NFATC3: variants seen among roughly 807,000 people sequenced by gnomAD.
The protein encoded by NFATC3 is nuclear factor of activated T cells 3.
Under a neutral mutation model 98.6 loss-of-function variants are expected in NFATC3, and 46 were observed. The ratio of observed to expected loss-of-function variants is 0.47; its 90% CI spans 0.37 to 0.60. NFATC3 has a LOEUF of 0.60. NFATC3 is among the 20% of genes least tolerant of loss of function. NFATC3 has a pLI of 0.00. For synonymous variants in NFATC3, 512 were observed against 472.2 expected (o/e 1.08, Z -1.09); for missense variants, 1,256 against 1,295.5 (o/e 0.97, Z 0.47).
At chr16:68,109,988 C>T (rs2035857652) in intron 1 of NFATC3, among the ~76,000 whole-genome samples, 1 of 151,870 alleles carries the variant, frequency 6.6e-6, no homozygotes, top group Middle Eastern at 3.2e-3. Flanking sequence ...TAGCCAAGCT[C>T]CTGGATGAGT....
chr16:68,120,010 T>C (rs1052535590), intron 1 of NFATC3, among the ~76,000 whole-genome samples: 11 of 151,604 alleles, frequency 7.3e-5, no homozygotes, highest in Admixed American at 2.6e-4. Flanking sequence ...CTGAAGAACA[T>C]TGTTGAACTG....
rs930166388 is a variant in NFATC3, at chr16:68,160,284, T to A, written c.1601+2216T>A. On this transcript the variant is annotated intron_variant, in intron 4 of 9. Coordinates refer to ENST00000346183, the MANE Select transcript of NFATC3 (RefSeq NM_173165.3). Reference sequence around the variant, plus strand: ...TTCGAGACCAGCGTGGCCAATATGGTGAAACCCCCAACTCTACTAAAAAAT... The same window carrying A: ...TTCGAGACCAGCGTGGCCAATATGGAGAAACCCCCAACTCTACTAAAAAAT... Among the ~76,000 whole-genome samples, 8 of 151,754 alleles carry A rather than the reference T, an allele frequency of 5.3e-5. No individual in the cohort carries two copies. In the South Asian group the frequency reaches 1.7e-3, roughly 32 times the overall value.
At chr16:68,125,644 A>G (rs2036796448) in intron 2 of NFATC3, among the ~76,000 whole-genome samples, 1 of 152,196 alleles carries the variant, frequency 6.6e-6, no homozygotes, top group Non-Finnish European at 1.5e-5. Context: ...TGTACCAGGG[A>G]GGGAGATAGA....
At chr16:68,117,117 C>G (rs781215269) in intron 1 of NFATC3, among the ~76,000 whole-genome samples, 2 of 152,148 alleles carry the variant, frequency 1.3e-5, no homozygotes, top group Admixed American at 6.5e-5. Context: ...AACAAGGGGC[C>G]AAGGAAAATT....
At chr16:68,208,059 G>A (rs1209901042) in intron 9 of NFATC3, among the ~76,000 whole-genome samples, 1 of 151,580 alleles carries the variant, frequency 6.6e-6, no homozygotes, top group Non-Finnish European at 1.5e-5. Context: ...TTTTTGAGAC[G>A]GAATCTGGCT....
At chr16:68,141,268 A>G (rs1402508337) in intron 3 of NFATC3, among the ~76,000 whole-genome samples, 4 of 152,154 alleles carry the variant, frequency 2.6e-5, no homozygotes, top group Non-Finnish European at 4.4e-5. Flanking sequence ...TGAATAATGT[A>G]TGTATGCAGG....
intron 9 of NFATC3, chr16:68,192,294 T>C (rs2040472898): frequency 7.1e-6 from 1 of 141,008 alleles, no homozygotes; most frequent in South Asian, 2.2e-4. Flanking sequence ...TATATATGTA[T>C]GTGTGTATAT....
chr16:68,204,303 A>G (rs1021593429), intron 9 of NFATC3, among the ~76,000 whole-genome samples: 1 of 152,218 alleles, frequency 6.6e-6, no homozygotes, highest in African/African-American at 2.4e-5. Context: ...CAGAGGTTGC[A>G]GTGAGCTGAG....
intron 3 of NFATC3, among the ~76,000 whole-genome samples, chr16:68,133,783 A>T (rs563288720): frequency 6.6e-6 from 1 of 151,898 alleles, no homozygotes; most frequent in South Asian, 2.1e-4. Context: ...ATTCTAGTGT[A>T]TGAATTTGCA....
intron 3 of NFATC3, among the ~76,000 whole-genome samples, chr16:68,156,357 G>A (rs1458959179): frequency 6.6e-6 from 1 of 152,070 alleles, no homozygotes; most frequent in Non-Finnish European, 1.5e-5. Flanking sequence ...AATGGATAAT[G>A]ATGGGGACAA....
chr16:68,138,304 G>T lies in NFATC3; in HGVS notation c.1401+11694G>T, dbSNP rs150308850. Among the ~76,000 whole-genome samples the T allele has an allele frequency of 5.8e-3, 886 of 152,166 alleles. 10 individuals carry two copies. The highest frequency in any genetic ancestry group is 0.021 in the African/African-American group (859 of 41,504). ...ATGCACCACCTCAGCCTCCCAAAGTGCTGGGATTACAGGTGTAAGCCACCG... is the reference window on the plus strand; with the variant it reads ...ATGCACCACCTCAGCCTCCCAAAGTTCTGGGATTACAGGTGTAAGCCACCG... On this transcript the variant is annotated intron_variant, in intron 3 of 9. Coordinates refer to ENST00000346183, the MANE Select transcript of NFATC3 (RefSeq NM_173165.3).
At chr16:68,118,154 G>A (rs932408550) in intron 1 of NFATC3, among the ~76,000 whole-genome samples, 21 of 152,032 alleles carry the variant, frequency 1.4e-4, no homozygotes, top group African/African-American at 3.4e-4. Context: ...CCCCAGCCCC[G>A]CTGACTCTCT....
rs773348777 is a variant in NFATC3 at position 68,191,367 on chromosome 16, G to A, written c.2698G>A (p.Asp900Asn). ...GQRSLSSPVADQITGQPSSQL... is the reference protein window; with the variant it reads ...GQRSLSSPVANQITGQPSSQL... ...AAGATCTCTTTCTTCTCCAGTGGCT[G>A]ACCAGATTACAGGTCAGCCTTCGTC... The change falls in exon 9 of 10, where the codon GAC becomes AAC. Residue 900 changes from aspartate to asparagine, a missense_variant. Physicochemically the swap from Asp to Asn is conservative, Grantham distance 23 (BLOSUM62 1). Around this residue, in one of 3 missense-constraint regions of NFATC3, gnomAD observed 636 missense variants for 617.3 expected, o/e 1.03. Transcript: ENST00000346183. The A allele has an allele frequency of 5.6e-6, 9 of 1,614,000 alleles. No individual in the cohort carries two copies. In the African/African-American group the frequency reaches 1.1e-4, roughly 19 times the overall value.
At chr16:68,140,053 G>C (rs1487522327) in intron 3 of NFATC3, among the ~76,000 whole-genome samples, 1 of 152,160 alleles carries the variant, frequency 6.6e-6, no homozygotes, top group East Asian at 1.9e-4. Flanking sequence ...CTGGAGTACA[G>C]TCGTGCAATC....
At chr16:68,096,480 CT>C (rs1184894027) in intron 1 of NFATC3, among the ~76,000 whole-genome samples, 3 of 152,154 alleles carry the variant, frequency 2.0e-5, no homozygotes, top group Admixed American at 2.0e-4. Context: ...ATCATTTAAT[CT>C]TTTAATTAAG....
chr16:68,157,863 G>A lies in NFATC3; in HGVS notation c.1402-6G>A. 6.2e-7 allele frequency: 1 copy of A among 1,607,438 alleles called. No individual in the cohort carries two copies. The highest frequency in any genetic ancestry group is 8.5e-7 in the Non-Finnish European group (1 of 1,176,768). ...GTGCTTTTCTGTGTTTCTTTTTCCT[G>A]ATTAGCTCCTGGGCTATAACGAAAA... On this transcript the variant is annotated splice_polypyrimidine_tract_variant and splice_region_variant and intron_variant, in intron 3 of 9. Transcript: ENST00000346183.
At chr16:68,134,997 G>A (rs564979474) in intron 3 of NFATC3, among the ~76,000 whole-genome samples, 2 of 149,956 alleles carry the variant, frequency 1.3e-5, no homozygotes, top group Admixed American at 1.3e-4. Context: ...TTTTTTTATC[G>A]TTTATGGTTA....
chr16:68,108,617 G>A (rs2151476978), intron 1 of NFATC3, among the ~76,000 whole-genome samples: 1 of 152,272 alleles, frequency 6.6e-6, no homozygotes, highest in East Asian at 1.9e-4. Flanking sequence ...TGTGAAGAAT[G>A]TCAATAGTAT....
chr16:68,150,412 TA>T (rs60606928), intron 3 of NFATC3, among the ~76,000 whole-genome samples: 5,198 of 81,048 alleles, frequency 0.064, 99 homozygotes, highest in Middle Eastern at 0.2. Context: ...CTTCTATATC[TA>T]AAAAAAAAAA....
Sources: allele counts gnomAD v4.1 joint callset (sites outside exome capture counted in the v4.1 genomes callset), GRCh38; gene constraint gnomAD v4.1.1; regional missense constraint gnomAD v4.1.1; transcripts MANE v1.5; gene names NCBI Gene and HGNC (gene_info 2026-07-23, HGNC 2026-07-21).